CAMKK1: variants seen among roughly 807,000 people sequenced by gnomAD.
CAMKK1 encodes calcium/calmodulin-dependent protein kinase kinase 1.
Under a neutral mutation model 63.5 loss-of-function variants are expected in CAMKK1, and 20 were observed. That is an observed-to-expected ratio of 0.32 (90% CI 0.22 to 0.46). The LOEUF (loss-of-function observed/expected upper bound fraction) is 0.46. Ranked by LOEUF, CAMKK1 falls within the 20% of genes least tolerant of loss-of-function variation. CAMKK1 has a pLI of 1.00. For synonymous variants in CAMKK1, 253 were observed against 269.0 expected (o/e 0.94, Z 0.58); for missense variants, 588 against 658.1 (o/e 0.89, Z 1.17).
At chr17:3,871,158 T>C (rs2054829088) in intron 12 of CAMKK1, among the ~76,000 whole-genome samples, 2 of 151,708 alleles carry the variant, frequency 1.3e-5, no homozygotes, top group Admixed American at 6.6e-5. Flanking sequence ...TAGATAAGTC[T>C]GGGGAGGGGC....
chr17:3,885,667 G>T lies in CAMKK1; in HGVS notation c.21C>A (p.Val7=). Residue 7 remains valine, a synonymous_variant, in exon 2 of 16, where the codon GTC becomes GTA. Coordinates refer to ENST00000348335, the MANE Select transcript of CAMKK1 (RefSeq NM_032294.3). MEGGPA[V]CCQDPRAELV... Reference sequence around the variant, plus strand: ...GCTCTGCCCGAGGATCCTGGCAGCAGACAGCTGGACCCCCCTCCATTGCTT... The same window carrying T: ...GCTCTGCCCGAGGATCCTGGCAGCATACAGCTGGACCCCCCTCCATTGCTT... 6.2e-7 allele frequency: 1 copy of T among 1,613,320 alleles called. No homozygotes were observed.
chr17:3,865,521 C>T, intron 15 of CAMKK1: 1 of 1,033,412 alleles, frequency 9.7e-7, no homozygotes, highest in Middle Eastern at 4.8e-4. Context: ...ATCAGCCTGT[C>T]TGCAAACCTC....
intron 8 of CAMKK1, among the ~76,000 whole-genome samples, 178 bp from the exon 9 acceptor site, chr17:3,880,612 A>G (rs2143862865): frequency 6.6e-6 from 1 of 152,332 alleles, no homozygotes; most frequent in East Asian, 1.9e-4. Context: ...ATCCCATTTC[A>G]ATCATAATTT....
At chr17:3,865,354 T>C in intron 15 of CAMKK1, 1 of 987,902 alleles carries the variant, frequency 1.0e-6, no homozygotes, top group South Asian at 4.7e-5. Context: ...GCTTACTCAC[T>C]GAACAAGCAC....
At chr17:3,881,410 G>T (rs1021617578) in intron 8 of CAMKK1, among the ~76,000 whole-genome samples, 1 of 152,044 alleles carries the variant, frequency 6.6e-6, no homozygotes, top group East Asian at 1.9e-4. Flanking sequence ...GTCAAAATCC[G>T]TCCCCTTTTC....
intron 14 of CAMKK1, among the ~76,000 whole-genome samples, chr17:3,866,580 G>A (rs73320285): frequency 2.6e-4 from 40 of 152,344 alleles, no homozygotes; most frequent in African/African-American, 8.7e-4. Flanking sequence ...GAGAGGCAGC[G>A]GCACACTTGC....
chr17:3,865,756 G>A (rs1407396772), intron 15 of CAMKK1, 152 bp downstream of exon 15: 1 of 1,455,590 alleles, frequency 6.9e-7, no homozygotes, highest in Non-Finnish European at 9.0e-7. Context: ...TAACCTTGGG[G>A]ACAGAGATGC....
In CAMKK1 at chr17:3,876,319, A is replaced by C; in HGVS notation, c.900T>G (p.Phe300Leu). The change falls in exon 10 of 16, where the codon TTT becomes TTG. Residue 300 changes from phenylalanine (F) to leucine (L), a missense_variant. Coordinates refer to ENST00000348335, the MANE Select transcript of CAMKK1 (RefSeq NM_032294.3). ...KIADFGVSNQ[F>L]EGNDAQLSST... ...TGGACAGCTGAGCGTCGTTCCCCTCAAACTGGTTGCTGACGCCAAAGTCGG... is the reference window on the plus strand; with the variant it reads ...TGGACAGCTGAGCGTCGTTCCCCTCCAACTGGTTGCTGACGCCAAAGTCGG... The C allele has an allele frequency of 6.2e-7, 1 of 1,614,192 alleles. No individual in the cohort carries two copies. The highest frequency in any genetic ancestry group is 1.1e-5 in the South Asian group (1 of 91,082).
intron 10 of CAMKK1, among the ~76,000 whole-genome samples, chr17:3,875,272 C>A: frequency 6.6e-6 from 1 of 152,082 alleles, no homozygotes; most frequent in Non-Finnish European, 1.5e-5. Flanking sequence ...TTCAAAAAAT[C>A]TTTATCAACA....
intron 9 of CAMKK1, 119 bp from the exon 10 acceptor site, chr17:3,876,541 G>A (rs1431043620): frequency 1.3e-5 from 11 of 816,914 alleles, no homozygotes; most frequent in African/African-American, 5.1e-5. Context: ...GCACACTTTC[G>A]TCTGGTGACG....
rs1328910497 is a variant in CAMKK1, at chr17:3,868,651, ATTTC to A, written c.1341+832_1341+835del. 4.0e-5 allele frequency among the ~76,000 whole-genome samples: 6 copies of A among 150,632 alleles called. No individual in the cohort carries two copies. The East Asian group carries it at 5.8e-4, about 15-fold the overall frequency. On this transcript the variant is annotated intron_variant, in intron 14 of 15. Transcript: ENST00000348335. ...TGCTGCCGCTGAGCAAGGGCCATCT[ATTTC>A]TTTCTTTTTTTTTTTGAGATGGAGT... is the stretch of plus-strand genomic sequence containing the variant.
chr17:3,881,932 T>G, intron 7 of CAMKK1: 1 of 538,456 alleles, frequency 1.9e-6, no homozygotes, highest in South Asian at 2.5e-5. Context: ...GGGCAGAAAT[T>G]TTCCTAAAGG....
Position 3,887,527 on chromosome 17 carries a change from C to T in CAMKK1, c.-43-1797G>A, listed in dbSNP as rs2055704973. On this transcript the variant is annotated intron_variant, in intron 1 of 15. Coordinates refer to ENST00000348335, the MANE Select transcript of CAMKK1 (RefSeq NM_032294.3). The surrounding 1 kb of genome is among the most constrained non-coding windows in gnomAD (Gnocchi z 6.1). ...TGAGGCTAGAGTATCAGGGAGGCCTCCCTGGAAGAGAGGGCAGGAGACAGT... is the reference window on the plus strand; with the variant it reads ...TGAGGCTAGAGTATCAGGGAGGCCTTCCTGGAAGAGAGGGCAGGAGACAGT... Among the ~76,000 whole-genome samples the T allele has an allele frequency of 6.6e-6, 1 of 150,734 alleles. No individual in the cohort carries two copies. The highest frequency in any genetic ancestry group is 1.5e-5 in the Non-Finnish European group (1 of 67,608).
Position 3,881,610 on chromosome 17 carries a change from C to G in CAMKK1, c.707+17G>C, listed in dbSNP as rs753768954. The G allele has an allele frequency of 5.9e-5, 92 of 1,567,704 alleles. No individual in the cohort carries two copies. Among genetic ancestry groups the G allele is most frequent in the Non-Finnish European group, 7.6e-5 (88 of 1,154,312 alleles). ...CTGGATGAGAATTGACCTGCCTGAT[C>G]AGGACGGGGAACTCACCCCTTTCTC... On this transcript the variant is annotated intron_variant, in intron 8 of 15. Transcript: ENST00000348335.
At chr17:3,891,296 A>T (rs1266565814) in intron 1 of CAMKK1, among the ~76,000 whole-genome samples, 1 of 152,234 alleles carries the variant, frequency 6.6e-6, no homozygotes, top group East Asian at 1.9e-4. Flanking sequence ...GCAAGAAGCA[A>T]CAAACAAGAA....
intron 8 of CAMKK1, 109 bp downstream of exon 8, chr17:3,881,518 G>C: frequency 9.2e-7 from 1 of 1,090,528 alleles, no homozygotes; most frequent in Non-Finnish European, 1.4e-6. Context: ...CAGGGCCTCC[G>C]TCTCTGACTT....
chr17:3,883,807 A>G lies in CAMKK1; in HGVS notation c.462+77T>C, dbSNP rs1416742066. The G allele has an allele frequency of 6.8e-7, 1 of 1,461,118 alleles. No homozygotes were observed. Among genetic ancestry groups the G allele is most frequent in the African/African-American group, 1.4e-5 (1 of 71,770 alleles). The allele number at this position is 1,461,118 out of a possible 1,614,324, so 90.5% of individuals were successfully genotyped here. A position where few individuals can be genotyped will look rare whatever the true frequency, so the allele number is the denominator to read the frequency against. On this transcript the variant is annotated intron_variant, in intron 4 of 15. Transcript: ENST00000348335. This position sits in a 1 kb window ranked among gnomAD's most constrained non-coding sequence, Gnocchi z 4.7. Reference sequence around the variant, plus strand: ...CAGGCAGCCCTGTCCTCTATCTCCTAAGCACAACTCCTGCCCCACCCCTCA... The same window carrying G: ...CAGGCAGCCCTGTCCTCTATCTCCTGAGCACAACTCCTGCCCCACCCCTCA...
At chr17:3,867,717 G>A (rs2054590074) in intron 14 of CAMKK1, among the ~76,000 whole-genome samples, 2 of 152,154 alleles carry the variant, frequency 1.3e-5, no homozygotes, top group Admixed American at 6.5e-5. Flanking sequence ...ACCCTGCAGA[G>A]GGGGATAAAG....
In CAMKK1 at chr17:3,862,145, G is replaced by T; in HGVS notation, c.*66C>A. The T allele has an allele frequency of 7.3e-7, 1 of 1,374,028 alleles. No homozygotes were observed. The highest frequency in any genetic ancestry group is 1.0e-6 in the Non-Finnish European group (1 of 994,770). 85.1% of individuals were successfully genotyped at this position (1,374,028 alleles called of 1,614,324 possible). ...CTGCCTGCGGGGGCGGCTGTTGCAT[G>T]AGGGGTGGGCCTCTGGAGGCGCGGG... On this transcript the variant is annotated 3_prime_UTR_variant, in exon 16 of 16. Transcript: ENST00000348335. The surrounding 1 kb of genome is among the most constrained non-coding windows in gnomAD (Gnocchi z 4.1).
Sources: gnomAD v4.1 joint callset for allele counts (sites outside exome capture counted in the v4.1 genomes callset) on GRCh38, gnomAD v4.1.1 for gene constraint, Gnocchi (gnomAD v3.1) non-coding constraint, MANE v1.5 for transcripts, NCBI Gene and HGNC (gene_info 2026-07-23, HGNC 2026-07-21) for gene names.